ADGRL3: variants seen among roughly 807,000 people sequenced by gnomAD.
ADGRL3 encodes the protein calcium-independent alpha-latrotoxin receptor 3.
In ADGRL3, 62 loss-of-function variants were observed where a neutral mutation model predicts 153.5. The ratio of observed to expected loss-of-function variants is 0.40; its 90% CI spans 0.33 to 0.50. The LOEUF (loss-of-function observed/expected upper bound fraction) is 0.50. ADGRL3 is among the 20% of genes least tolerant of loss of function. The pLI is 0.47. For synonymous variants in ADGRL3, 710 were observed against 672.5 expected, an observed-to-expected ratio of 1.06 and a Z score of -0.86; for missense variants, 1,641 against 1,859.4, an observed-to-expected ratio of 0.88 and a Z score of 2.16.
chr4:61,293,115 A>C (rs2150194000), intron 1 of ADGRL3, among the ~76,000 whole-genome samples: 1 of 152,286 alleles, frequency 6.6e-6, no homozygotes, highest in Non-Finnish European at 1.5e-5. Context: ...TGAACTGCTG[A>C]GACACGTTGT....
chr4:61,587,823 A>AG (rs1466086170), intron 5 of ADGRL3, among the ~76,000 whole-genome samples: 8 of 152,094 alleles, frequency 5.3e-5, no homozygotes, highest in South Asian at 2.1e-4. Context: ...CTAACAATGT[A>AG]GGGAAAAAAA....
intron 2 of ADGRL3, among the ~76,000 whole-genome samples, chr4:61,391,778 C>T (rs2096805606): frequency 6.7e-6 from 1 of 150,234 alleles, no homozygotes; most frequent in African/African-American, 2.5e-5. Context: ...TTTTTTAACA[C>T]TAGGATGACT....
At chr4:61,731,776 C>T (rs987916959) in intron 7 of ADGRL3, among the ~76,000 whole-genome samples, 1 of 152,072 alleles carries the variant, frequency 6.6e-6, no homozygotes, top group African/African-American at 2.4e-5. Flanking sequence ...CCACTTGAAA[C>T]ATGTGATTCA....
Position 62,070,770 on chromosome 4 carries a change from A to G in ADGRL3, c.4494A>G (p.Arg1498=). The change falls in exon 27 of 27, where the codon AGA becomes AGG. Residue 1498 remains arginine, a synonymous_variant. Coordinates refer to ENST00000683033, the MANE Select transcript of ADGRL3 (RefSeq NM_001387552.1). The part of the protein sequence containing the change: ...YYKSMPNLGS[R]NHVHQLHTYY... ...AAAGCATGCCAAACCTAGGCTCCAG[A>G]AACCACGTCCATCAGCTGCATACTT... 1 of 1,551,636 alleles carries G rather than the reference A, an allele frequency of 6.4e-7. No homozygotes were observed. The highest frequency in any genetic ancestry group is 8.7e-7 in the Non-Finnish European group (1 of 1,146,966).
At chr4:61,820,701 A>G (rs2097744385) in intron 9 of ADGRL3, among the ~76,000 whole-genome samples, 1 of 152,156 alleles carries the variant, frequency 6.6e-6, no homozygotes, top group South Asian at 2.1e-4. Flanking sequence ...CATATTTCCC[A>G]GTTTTACTAA....
At chr4:61,966,382 C>A (rs1349428546) in intron 17 of ADGRL3, among the ~76,000 whole-genome samples, 1 of 152,090 alleles carries the variant, frequency 6.6e-6, no homozygotes, top group African/African-American at 2.4e-5. Context: ...TCAAAATTTT[C>A]TTTCTCACTG....
intron 9 of ADGRL3, among the ~76,000 whole-genome samples, chr4:61,852,287 A>AATTTT (rs199939145): frequency 0.045 from 4,707 of 105,742 alleles, 192 homozygotes; most frequent in East Asian, 0.28. Context: ...ATTTTATTTT[A>AATTTT]ATTTTATTTT....
chr4:61,273,036 G>A (rs2093280515), intron 1 of ADGRL3, among the ~76,000 whole-genome samples: 1 of 152,046 alleles, frequency 6.6e-6, no homozygotes, highest in South Asian at 2.1e-4. Flanking sequence ...CTGTAAATAG[G>A]GGATGATGAT....
In ADGRL3 at chr4:61,580,199, A is replaced by C. The variant is rs117459441; in HGVS notation, c.260-7028A>C. Among the ~76,000 whole-genome samples, 130 of 152,248 alleles carry C rather than the reference A, an allele frequency of 8.5e-4. 1 individual carries two copies. In the East Asian group the frequency reaches 0.023, roughly 27 times the overall value. On this transcript the variant is annotated intron_variant, in intron 4 of 26. Coordinates refer to ENST00000683033, the MANE Select transcript of ADGRL3 (RefSeq NM_001387552.1). ...CTTTTAGAATCATTAGCCTTGACTT[A>C]CAAATAGTTTAATTAACTACTTCCT...
chr4:61,413,896 T>C (rs2097116221), intron 2 of ADGRL3, among the ~76,000 whole-genome samples: 1 of 152,208 alleles, frequency 6.6e-6, no homozygotes, highest in Non-Finnish European at 1.5e-5. Context: ...TTACATTTGT[T>C]TTACATACAG....
intron 2 of ADGRL3, among the ~76,000 whole-genome samples, chr4:61,439,759 C>A (rs541269404): frequency 6.6e-6 from 1 of 152,222 alleles, no homozygotes. Flanking sequence ...CCAGCTTCAG[C>A]CATGTCCCTT....
chr4:61,850,714 T>C (rs1380029379), intron 9 of ADGRL3, among the ~76,000 whole-genome samples: 1 of 152,206 alleles, frequency 6.6e-6, no homozygotes, highest in Non-Finnish European at 1.5e-5. Context: ...TATTACTCCT[T>C]AATAATAGCT....
At chr4:61,474,905 A>G (rs2098024875) in intron 2 of ADGRL3, among the ~76,000 whole-genome samples, 1 of 152,156 alleles carries the variant, frequency 6.6e-6, no homozygotes, top group African/African-American at 2.4e-5. Flanking sequence ...TGCCGGTTAA[A>G]TTAATATAAA....
At chr4:61,952,783 C>G (rs2098952180) in intron 17 of ADGRL3, among the ~76,000 whole-genome samples, 1 of 152,114 alleles carries the variant, frequency 6.6e-6, no homozygotes, top group Non-Finnish European at 1.5e-5. Context: ...GTAATAAACT[C>G]AGACTCAGAA....
intron 17 of ADGRL3, among the ~76,000 whole-genome samples, chr4:61,972,682 C>G (rs2099033219): frequency 6.6e-6 from 1 of 151,916 alleles, no homozygotes; most frequent in Admixed American, 6.6e-5. Flanking sequence ...TAGTTTTTTC[C>G]AATTCTGTGA....
intron 8 of ADGRL3, among the ~76,000 whole-genome samples, chr4:61,763,185 C>G (rs1179320374): frequency 6.8e-6 from 1 of 146,758 alleles, no homozygotes; most frequent in African/African-American, 2.6e-5. Context: ...CCGTTAGTAA[C>G]ATTTCTTTTT....
chr4:61,372,626 C>T lies in ADGRL3; in HGVS notation c.-239-10498C>T, dbSNP rs1273147310. On this transcript the variant is annotated intron_variant, in intron 1 of 26. Transcript: ENST00000683033. The stretch of plus-strand genomic sequence containing the variant: ...TGCGTGCTGGGAGAACCACTGCTCT[C>T]TTCAAAGCTGTCAGACAAGGACGTT... 2.6e-5 allele frequency among the ~76,000 whole-genome samples: 4 copies of T among 152,284 alleles called. No individual in the cohort carries two copies. The Middle Eastern group carries it at 0.01, about 388-fold the overall frequency.
At chr4:61,520,354 G>T (rs1036683018) in intron 4 of ADGRL3, among the ~76,000 whole-genome samples, 2 of 152,086 alleles carry the variant, frequency 1.3e-5, no homozygotes, top group African/African-American at 4.8e-5. Context: ...TCATTGAGAA[G>T]ATCTACAAAT....
At chr4:61,829,158 G>A (rs1016799877) in intron 9 of ADGRL3, among the ~76,000 whole-genome samples, 14 of 152,208 alleles carry the variant, frequency 9.2e-5, no homozygotes, top group South Asian at 4.1e-4. Context: ...CAATAAATGG[G>A]CACTTAATAG....
Sources: gnomAD v4.1 joint callset for allele counts (sites outside exome capture counted in the v4.1 genomes callset) on GRCh38, gnomAD v4.1.1 for gene constraint, MANE v1.5 for transcripts, NCBI Gene and HGNC (gene_info 2026-07-23, HGNC 2026-07-21) for gene names.